The following UGT2B7 variants were observed in gnomAD, a reference collection of about 807,000 sequenced individuals.
UGT2B7 encodes UDP glucuronosyltransferase family 2 member B7, also known as UDP-glucuronosyltransferase 2B7.
UGT2B7 carries 51 observed loss-of-function variants against 51.9 expected under a neutral mutation model. That is an observed-to-expected ratio of 0.98 (90% CI 0.78 to 1.24). UGT2B7 has a LOEUF of 1.24. Ranked by LOEUF, UGT2B7 falls within the 50% of genes most tolerant of loss-of-function variation. The probability of loss-of-function intolerance (pLI) is 0.00; values close to 1 mark genes in which losing one functional copy is unlikely to be tolerated. For synonymous variants in UGT2B7, 225 were observed against 211.6 expected (o/e 1.06, Z -0.55); for missense variants, 727 against 628.4 (o/e 1.16, Z -1.68).
At chr4:69,064,098 GAAAGAA>G (rs1403286644) in intron 1 of UGT2B7, among the ~76,000 whole-genome samples, 48 of 90,098 alleles carry the variant, frequency 5.3e-4, no homozygotes, top group East Asian at 3.9e-3. Flanking sequence ...GAAAGAAAGA[GAAAGAA>G]AGAAAGAAAA....
intron 3 of UGT2B7, among the ~76,000 whole-genome samples, chr4:69,103,960 A>T (rs1719509008): frequency 6.6e-6 from 1 of 152,084 alleles, no homozygotes. Flanking sequence ...GGAGTAGGGG[A>T]CTAAGGAGAA....
chr4:69,056,003 G>C (rs578066860), intron 1 of UGT2B7, among the ~76,000 whole-genome samples: 4 of 152,052 alleles, frequency 2.6e-5, no homozygotes, highest in Non-Finnish European at 5.9e-5. Context: ...AGGACTGGAT[G>C]GTCCCCACCA....
At position 69,073,259 on chromosome 4, in the gene UGT2B7, A is replaced by G. The variant is rs571311578; in HGVS notation, c.-158-16213A>G. 9.2e-5 allele frequency among the ~76,000 whole-genome samples: 14 copies of G among 152,240 alleles called. No individual in the cohort carries two copies. In the East Asian group the frequency reaches 1.4e-3, roughly 15 times the overall value. Reference sequence around the variant, plus strand: ...ATGCTTTACCCAAAAATGGATATTAACTTTCACCAATTCAAAGCATATCAA... The same window carrying G: ...ATGCTTTACCCAAAAATGGATATTAGCTTTCACCAATTCAAAGCATATCAA... On this transcript the variant is annotated intron_variant, in intron 1 of 5. Coordinates refer to the UGT2B7 transcript ENST00000502942.
At chr4:69,096,137 G>A (rs1312884519), upstream of UGT2B7, among the ~76,000 whole-genome samples, 1 of 152,098 alleles carries the variant, frequency 6.6e-6, no homozygotes. Flanking sequence ...ACAAAAATAT[G>A]TGGACCATGT....
chr4:69,058,099 A>G (rs1043285825), intron 1 of UGT2B7, among the ~76,000 whole-genome samples: 40 of 152,242 alleles, frequency 2.6e-4, no homozygotes, highest in Admixed American at 2.6e-3. Flanking sequence ...AAACAGAGTT[A>G]AAGGGAAAGT....
chr4:69,091,053 G>GA, intron 2 of UGT2B7, among the ~76,000 whole-genome samples: 1 of 151,966 alleles, frequency 6.6e-6, no homozygotes, highest in Non-Finnish European at 1.5e-5. Flanking sequence ...TTCTTTATTG[G>GA]AAAATCCCTT....
chr4:69,096,956 G>C lies in UGT2B7; in HGVS notation c.436G>C (p.Asp146His). 1.9e-6 allele frequency: 3 copies of C among 1,613,494 alleles called. No homozygotes were observed. Among genetic ancestry groups the C allele is most frequent in the South Asian group, 2.2e-5 (2 of 90,948 alleles). The change falls in exon 1 of 6, where the codon GAC becomes CAC. Residue 146 changes from aspartate to histidine, a missense_variant. Transcript: ENST00000305231. ...FMKKVQESRF[D>H]VIFADAIFPC... ...GAAAAAAGTACAAGAGTCAAGATTT[G>C]ACGTCATTTTTGCAGATGCTATTTT...
rs182643105 is a variant in UGT2B7, at chr4:69,061,700, T to C, written c.-159+10098T>C. 4.6e-5 allele frequency among the ~76,000 whole-genome samples: 7 copies of C among 152,320 alleles called. No individual in the cohort carries two copies. The East Asian group carries it at 1.2e-3, about 25-fold the overall frequency. On this transcript the variant is annotated intron_variant, in intron 1 of 5. Transcript: ENST00000502942. ...AGACATGATTAGGGTGTCATTTCTATGTGCAATGGCTCACCGCTATTACTT... is the reference window on the plus strand; with the variant it reads ...AGACATGATTAGGGTGTCATTTCTACGTGCAATGGCTCACCGCTATTACTT...
chr4:69,095,974 T>A (rs1289700759), upstream of UGT2B7, among the ~76,000 whole-genome samples: 1 of 152,140 alleles, frequency 6.6e-6, no homozygotes, highest in East Asian at 1.9e-4. Flanking sequence ...AGAAAAAGGC[T>A]AAGGACTATA....
At chr4:69,059,766 T>C (rs537252404) in intron 1 of UGT2B7, among the ~76,000 whole-genome samples, 8 of 152,168 alleles carry the variant, frequency 5.3e-5, no homozygotes, top group Non-Finnish European at 1.2e-4. Context: ...CACCCCTCTC[T>C]TGCCAGTGCG....
At chr4:69,095,764 G>T (rs1219762514), upstream of UGT2B7, among the ~76,000 whole-genome samples, 2 of 152,112 alleles carry the variant, frequency 1.3e-5, no homozygotes, top group Non-Finnish European at 2.9e-5. Flanking sequence ...TTACATGATG[G>T]TTGTAAGAAT....
intron 1 of UGT2B7, among the ~76,000 whole-genome samples, chr4:69,064,100 A>AGAGAGAGAGAGAG (rs1560499772): frequency 8.6e-5 from 9 of 104,794 alleles, no homozygotes; most frequent in Non-Finnish European, 1.5e-4. Context: ...AAGAAAGAGA[A>AGAGAGAGAGAGAG]AGAAAGAAAG....
At chr4:69,103,210 C>T (rs1338424993) in intron 3 of UGT2B7, among the ~76,000 whole-genome samples, 2 of 151,828 alleles carry the variant, frequency 1.3e-5, no homozygotes, top group Non-Finnish European at 2.9e-5. Context: ...AGACTTCTCA[C>T]CTCCTGTCCA....
At chr4:69,107,769 A>C (rs920164759) in intron 4 of UGT2B7, among the ~76,000 whole-genome samples, 1 of 151,774 alleles carries the variant, frequency 6.6e-6, no homozygotes, top group Non-Finnish European at 1.5e-5. Flanking sequence ...TGCCCACCCC[A>C]TATATCACAC....
chr4:69,107,955 A>T (rs1577927541), intron 4 of UGT2B7, 148 bp from the exon 5 acceptor site: 1 of 965,440 alleles, frequency 1.0e-6, no homozygotes, highest in East Asian at 2.5e-5. Flanking sequence ...TACCCAGTAC[A>T]AGTACGTGTT....
Position 69,075,163 on chromosome 4 carries a change from C to G in UGT2B7, c.-158-14309C>G, listed in dbSNP as rs114556241. 5.0e-3 allele frequency among the ~76,000 whole-genome samples: 762 copies of G among 152,150 alleles called. 4 individuals carry two copies. The highest frequency in any genetic ancestry group is 0.018 in the African/African-American group (727 of 41,508). Reference sequence around the variant, plus strand: ...GCTTAGAGGCTTCTGTTGACCAACTCAATAGCTTAAATTTGTGGAATTTTC... The same window carrying G: ...GCTTAGAGGCTTCTGTTGACCAACTGAATAGCTTAAATTTGTGGAATTTTC... On this transcript the variant is annotated intron_variant, in intron 1 of 5. Transcript: ENST00000502942.
intron 1 of UGT2B7, among the ~76,000 whole-genome samples, chr4:69,061,813 C>T (rs1483308178): frequency 6.6e-6 from 1 of 152,180 alleles, no homozygotes; most frequent in East Asian, 1.9e-4. Context: ...GAAAAAGGAG[C>T]TATGCCCTGT....
At chr4:69,107,831 T>A (rs1673683223) in intron 4 of UGT2B7, among the ~76,000 whole-genome samples, 1 of 152,086 alleles carries the variant, frequency 6.6e-6, no homozygotes, top group Admixed American at 6.6e-5. Context: ...CTCTTTGCTG[T>A]CTTCTTTTTT....
intron 1 of UGT2B7, among the ~76,000 whole-genome samples, chr4:69,058,338 C>T (rs1435430123): frequency 6.6e-6 from 1 of 152,110 alleles, no homozygotes; most frequent in Non-Finnish European, 1.5e-5. Context: ...AAATCTGAGC[C>T]CTCACTCCAG....
Sources: allele counts gnomAD v4.1 joint callset (sites outside exome capture counted in the v4.1 genomes callset), GRCh38; gene constraint gnomAD v4.1.1; transcripts MANE v1.5; gene names NCBI Gene and HGNC (gene_info 2026-07-23, HGNC 2026-07-21).